SLC35E1: variants seen among roughly 807,000 people sequenced by gnomAD.
The protein encoded by SLC35E1 is solute carrier family 35 member E1.
SLC35E1 carries 12 observed loss-of-function variants against 31.0 expected under a neutral mutation model. The observed-to-expected ratio is 0.39, with a 90% CI of 0.25 to 0.63. The LOEUF (loss-of-function observed/expected upper bound fraction) is 0.63. SLC35E1 is among the 20% of genes least tolerant of loss of function. The pLI is 0.52. For synonymous variants in SLC35E1, 257 were observed against 264.1 expected, an observed-to-expected ratio of 0.97 and a Z score of 0.26; for missense variants, 429 against 572.2, an observed-to-expected ratio of 0.75 and a Z score of 2.55.
At position 16,551,698 on chromosome 19, in the gene SLC35E1, C is replaced by T. The variant is rs2085846187; in HGVS notation, c.*1981G>A. The stretch of plus-strand genomic sequence containing the variant: ...GGACCTGAGCACTCAGGGTTACCTA[C>T]TGGGGTCTTGTCATATTCCTTATGT... On this transcript the variant is annotated 3_prime_UTR_variant, in exon 6 of 6. Transcript: ENST00000595753. 6.6e-6 allele frequency: 1 copy of T among 151,544 alleles called. No homozygotes were observed. Among genetic ancestry groups the T allele is most frequent in the African/African-American group, 2.4e-5 (1 of 41,208 alleles). 9.4% of individuals were successfully genotyped at this position (151,544 alleles called of 1,614,324 possible). A position where few individuals can be genotyped will look rare whatever the true frequency, so the allele number is the denominator to read the frequency against.
At chr19:16,557,628 T>C (rs1191339730) in intron 4 of SLC35E1, among the ~76,000 whole-genome samples, 4 of 152,200 alleles carry the variant, frequency 2.6e-5, no homozygotes, top group East Asian at 3.8e-4. Context: ...TTTTCTGTCA[T>C]GATCCGTGTG....
intron 4 of SLC35E1, among the ~76,000 whole-genome samples, chr19:16,557,428 C>T (rs938890409): frequency 1.3e-5 from 2 of 152,074 alleles, no homozygotes; most frequent in South Asian, 2.1e-4. Flanking sequence ...CTCCTGACCT[C>T]GTGATCCACC....
intron 4 of SLC35E1, among the ~76,000 whole-genome samples, chr19:16,563,863 G>A (rs1407248668): frequency 6.6e-6 from 1 of 152,204 alleles, no homozygotes; most frequent in Non-Finnish European, 1.5e-5. Context: ...TTATATGAGT[G>A]AGTGTACAGT....
intron 4 of SLC35E1, among the ~76,000 whole-genome samples, chr19:16,558,077 CTT>C (rs1388523207): frequency 4.6e-5 from 7 of 151,304 alleles, no homozygotes; most frequent in Admixed American, 2.6e-4. Flanking sequence ...GAGTTTTGCT[CTT>C]GTCACCCTGG....
intron 2 of SLC35E1, 144 bp downstream of exon 2, chr19:16,571,368 G>A (rs2085957256): frequency 1.3e-6 from 1 of 759,626 alleles, no homozygotes; most frequent in South Asian, 1.5e-5. Context: ...GTAGTAAAAG[G>A]CCACTGGAGA....
Position 16,572,285 on chromosome 19 carries a change from C to A in SLC35E1, c.80G>T (p.Gly27Val), listed in dbSNP as rs2085964149. Residue 27 changes from glycine (G) to valine (V), a missense_variant, in exon 1 of 6, where the codon GGC (glycine) becomes GTC (valine). By Grantham distance (109) the Gly-to-Val change is moderately radical. Coordinates refer to ENST00000595753, the MANE Select transcript of SLC35E1 (RefSeq NM_024881.5). This position sits in a 1 kb window ranked among gnomAD's most constrained non-coding sequence, Gnocchi z 4.1. The part of the protein sequence containing the change: ...AASSSGGARE[G>V]ARVAALCLLW... Reference sequence around the variant, plus strand: ...CAGGCACAGCGCCGCCACCCGCGCGCCCTCGCGCGCCCCACCACTGCTGCT... The same window carrying A: ...CAGGCACAGCGCCGCCACCCGCGCGACCTCGCGCGCCCCACCACTGCTGCT... 3 of 1,491,962 alleles carry A rather than the reference C, an allele frequency of 2.0e-6. No individual in the cohort carries two copies. The highest frequency in any genetic ancestry group is 2.2e-5 in the Admixed American group (1 of 45,126). The allele number at this position is 1,491,962 out of a possible 1,614,324, so 92.4% of individuals were successfully genotyped here.
rs1480274283 is a variant in SLC35E1, at chr19:16,555,071, G to A, written c.1002+81C>T. On this transcript the variant is annotated intron_variant, in intron 5 of 5. Transcript: ENST00000595753. The surrounding 1 kb of genome is among the most constrained non-coding windows in gnomAD (Gnocchi z 4.1). ...CTGACATACAACCCCAGCCTTGAGC[G>A]CCCGGGAGGCCCTTCCTTTTCTGAC... 5.7e-6 allele frequency: 9 copies of A among 1,572,460 alleles called. No individual in the cohort carries two copies. In the East Asian group the frequency reaches 6.8e-5, roughly 12 times the overall value.
At chr19:16,556,072 GGGTGT>G (rs1006005863) in intron 4 of SLC35E1, among the ~76,000 whole-genome samples, 18 of 152,056 alleles carry the variant, frequency 1.2e-4, no homozygotes, top group African/African-American at 3.9e-4. Context: ...AAAATTGGTC[GGGTGT>G]GGTGTGGTGT....
At position 16,553,407 on chromosome 19, in the gene SLC35E1, C is replaced by G. The variant is rs1003488462; in HGVS notation, c.*272G>C. ...AGGTACAACGTGGCCAAGATCTCCG[C>G]AGGGACACGGCCCTCAGATGACAGA... On this transcript the variant is annotated 3_prime_UTR_variant, in exon 6 of 6. Coordinates refer to ENST00000595753, the MANE Select transcript of SLC35E1 (RefSeq NM_024881.5). 1 of 290,688 alleles carries G rather than the reference C, an allele frequency of 3.4e-6. No individual in the cohort carries two copies. Among genetic ancestry groups the G allele is most frequent in the Non-Finnish European group, 6.3e-6 (1 of 157,676 alleles). The allele number at this position is 290,688 out of a possible 1,614,324, so 18.0% of individuals were successfully genotyped here. A position where few individuals can be genotyped will look rare whatever the true frequency, so the allele number is the denominator to read the frequency against.
rs747200385 is a variant in SLC35E1, at chr19:16,566,462, G to A, written c.756+70C>T. ...ACCACAATGTTAACATGCAGCTACA[G>A]CTCCTCAACAAAGCACCTATTCTGG... On this transcript the variant is annotated intron_variant, in intron 4 of 5. Coordinates refer to ENST00000595753, the MANE Select transcript of SLC35E1 (RefSeq NM_024881.5). 3.1e-6 allele frequency: 5 copies of A among 1,598,668 alleles called. No individual in the cohort carries two copies. In the African/African-American group the frequency reaches 5.4e-5, roughly 17 times the overall value.
intron 3 of SLC35E1, among the ~76,000 whole-genome samples, chr19:16,567,393 G>GT (rs145822782): frequency 0.034 from 5,193 of 152,298 alleles, 110 homozygotes; most frequent in Non-Finnish European, 0.05. Flanking sequence ...TGTAATCCCA[G>GT]TGCTTTATGA....
intron 2 of SLC35E1, among the ~76,000 whole-genome samples, chr19:16,570,868 G>A (rs1168778833): frequency 6.6e-6 from 1 of 152,050 alleles, no homozygotes; most frequent in Non-Finnish European, 1.5e-5. Context: ...AGGCTGAGGC[G>A]GACGGATCAC....
At position 16,553,785 on chromosome 19, in the gene SLC35E1, T is replaced by C; in HGVS notation, c.1127A>G (p.Gln376Arg). 6.2e-7 allele frequency: 1 copy of C among 1,613,882 alleles called. No homozygotes were observed. Residue 376 changes from glutamine (Q) to arginine (R), a missense_variant, in exon 6 of 6, where the codon CAG becomes CGG. Coordinates refer to ENST00000595753, the MANE Select transcript of SLC35E1 (RefSeq NM_024881.5). ...EKPHNGLLFP[Q>R]HGDYQYGRNN... ...GCGGCCGTACTGATAGTCCCCGTGCTGGGGGAAGAGGAGGCCGTTGTGGGG... is the reference window on the plus strand; with the variant it reads ...GCGGCCGTACTGATAGTCCCCGTGCCGGGGGAAGAGGAGGCCGTTGTGGGG...
In SLC35E1 at chr19:16,553,802, G is replaced by A. The variant is rs774961383; in HGVS notation, c.1110C>T (p.Asn370=). The change falls in exon 6 of 6, where the codon AAC becomes AAT. Residue 370 remains asparagine, a synonymous_variant. Coordinates refer to ENST00000595753, the MANE Select transcript of SLC35E1 (RefSeq NM_024881.5). ...CCCCGTGCTGGGGGAAGAGGAGGCC[G>A]TTGTGGGGCTTCTCCAGTGGGCTCC... ...RHRSPLEKPH[N]GLLFPQHGDY... 1.7e-5 allele frequency: 27 copies of A among 1,613,954 alleles called. No individual in the cohort carries two copies. The highest frequency in any genetic ancestry group is 1.7e-5 in the Non-Finnish European group (20 of 1,179,980).
chr19:16,572,305 G>A lies in SLC35E1; in HGVS notation c.60C>T (p.Ser20=). 1 of 1,332,132 alleles carries A rather than the reference G, an allele frequency of 7.5e-7. No individual in the cohort carries two copies. Among genetic ancestry groups the A allele is most frequent in the Non-Finnish European group, 9.7e-7 (1 of 1,035,774 alleles). 82.5% of individuals were successfully genotyped at this position (1,332,132 alleles called of 1,614,324 possible). A position where few individuals can be genotyped will look rare whatever the true frequency, so the allele number is the denominator to read the frequency against. The change falls in exon 1 of 6, where the codon AGC becomes AGT. Residue 20 remains serine (S), a synonymous_variant. Coordinates refer to ENST00000595753, the MANE Select transcript of SLC35E1 (RefSeq NM_024881.5). This position sits in a 1 kb window ranked among gnomAD's most constrained non-coding sequence, Gnocchi z 4.1. ...HGAGGPGAAS[S]SGGAREGARV... ...GCGCGCCCTCGCGCGCCCCACCACTGCTGCTCGCTGCGCCCGGGCCCCCCG... is the reference window on the plus strand; with the variant it reads ...GCGCGCCCTCGCGCGCCCCACCACTACTGCTCGCTGCGCCCGGGCCCCCCG...
At chr19:16,556,292 A>G (rs867846773) in intron 4 of SLC35E1, among the ~76,000 whole-genome samples, 15 of 151,866 alleles carry the variant, frequency 9.9e-5, no homozygotes, top group Middle Eastern at 3.4e-3. Context: ...GAGGCTAAGG[A>G]AAAAAAATCA....
rs1488729395 is a variant in SLC35E1 at position 16,553,059 on chromosome 19, T to C, written c.*620A>G. 2 of 152,250 alleles carry C rather than the reference T, an allele frequency of 1.3e-5. No homozygotes were observed. The highest frequency in any genetic ancestry group is 4.8e-5 in the African/African-American group (2 of 41,450). 9.4% of individuals were successfully genotyped at this position (152,250 alleles called of 1,614,324 possible). A position where few individuals can be genotyped will look rare whatever the true frequency, so the allele number is the denominator to read the frequency against. On this transcript the variant is annotated 3_prime_UTR_variant, in exon 6 of 6. Coordinates refer to ENST00000595753, the MANE Select transcript of SLC35E1 (RefSeq NM_024881.5). ...CTGGATGCTAATTGCAATCGCTTTT[T>C]GCTTTGGAACATTTGCCAGGAACTT... is the stretch of plus-strand genomic sequence containing the variant.
chr19:16,566,910 A>G (rs2085935169), intron 3 of SLC35E1, among the ~76,000 whole-genome samples: 1 of 152,258 alleles, frequency 6.6e-6, no homozygotes, highest in African/African-American at 2.4e-5. Flanking sequence ...GATGAAGTGA[A>G]GTAGGCACTC....
rs192019938 is a variant in SLC35E1, at chr19:16,553,406, G to A, written c.*273C>T. 2.8e-5 allele frequency: 8 copies of A among 285,174 alleles called. No homozygotes were observed. The highest frequency in any genetic ancestry group is 1.1e-4 in the African/African-American group (5 of 46,114). 17.7% of individuals were successfully genotyped at this position (285,174 alleles called of 1,614,324 possible). ...AAGGTACAACGTGGCCAAGATCTCC[G>A]CAGGGACACGGCCCTCAGATGACAG... is the stretch of plus-strand genomic sequence containing the variant. On this transcript the variant is annotated 3_prime_UTR_variant, in exon 6 of 6. Coordinates refer to ENST00000595753, the MANE Select transcript of SLC35E1 (RefSeq NM_024881.5).
Sources: gnomAD v4.1 joint callset for allele counts (sites outside exome capture counted in the v4.1 genomes callset) on GRCh38, gnomAD v4.1.1 for gene constraint, Gnocchi (gnomAD v3.1) non-coding constraint, MANE v1.5 for transcripts, NCBI Gene and HGNC (gene_info 2026-07-23, HGNC 2026-07-21) for gene names.